ADGRL2: variants seen among roughly 807,000 people sequenced by gnomAD.
The protein encoded by ADGRL2 is calcium-independent alpha-latrotoxin receptor 2.
Under a neutral mutation model 157.4 loss-of-function variants are expected in ADGRL2, and 44 were observed. The observed-to-expected ratio is 0.28, with a 90% CI of 0.22 to 0.36. ADGRL2 has a LOEUF of 0.36. Ranked by LOEUF, ADGRL2 falls within the 10% of genes least tolerant of loss-of-function variation. The pLI is 1.00. For missense variants in ADGRL2, 1,510 were observed against 1,768.9 expected, an observed-to-expected ratio of 0.85 and a Z score of 2.63; for synonymous variants, 585 against 624.7, an observed-to-expected ratio of 0.94 and a Z score of 0.95.
chr1:81,483,485 CT>C (rs1259689119), intron 2 of ADGRL2, among the ~76,000 whole-genome samples: 10 of 152,144 alleles, frequency 6.6e-5, no homozygotes, highest in African/African-American at 2.4e-4. Context: ...TAATTCTTAT[CT>C]GATAAATAGC....
At chr1:81,688,085 T>C (rs1211124298) in intron 3 of ADGRL2, among the ~76,000 whole-genome samples, 1 of 152,136 alleles carries the variant, frequency 6.6e-6, no homozygotes, top group African/African-American at 2.4e-5. Context: ...GATGCTTCTG[T>C]CTCACAGCTC....
intron 2 of ADGRL2, among the ~76,000 whole-genome samples, chr1:81,463,359 C>A (rs1210647299): frequency 6.6e-6 from 1 of 151,564 alleles, no homozygotes; most frequent in Non-Finnish European, 1.5e-5. Context: ...AGTGTAGACC[C>A]TCTTCTAGAC....
intron 2 of ADGRL2, among the ~76,000 whole-genome samples, chr1:81,524,840 G>A (rs1199583390): frequency 7.9e-5 from 12 of 152,124 alleles, no homozygotes; most frequent in Admixed American, 7.9e-4. Context: ...AGGAGTTAGA[G>A]GCTACAGGGA....
At chr1:81,925,898 G>T (rs557442902) in intron 3 of ADGRL2, among the ~76,000 whole-genome samples, 2 of 151,942 alleles carry the variant, frequency 1.3e-5, no homozygotes, top group South Asian at 4.1e-4. Flanking sequence ...AATCTTTATG[G>T]CATAATTTTC....
At chr1:81,514,995 A>G (rs1213204847) in intron 2 of ADGRL2, 2 of 152,244 alleles carry the variant, frequency 1.3e-5, no homozygotes, top group East Asian at 3.8e-4. Context: ...TGATTTAAAT[A>G]TTAACAGCAT....
At chr1:81,881,453 G>A (rs1480329017) in intron 2 of ADGRL2, among the ~76,000 whole-genome samples, 1 of 152,212 alleles carries the variant, frequency 6.6e-6, no homozygotes, top group Non-Finnish European at 1.5e-5. Context: ...TGGGATTACA[G>A]GCGTGAGCCA....
At chr1:81,870,975 G>T (rs1186776391) in intron 2 of ADGRL2, among the ~76,000 whole-genome samples, 2 of 146,156 alleles carry the variant, frequency 1.4e-5, no homozygotes, top group African/African-American at 5.1e-5. Context: ...TAGGGTACAT[G>T]TGCACAATGT....
At chr1:81,627,242 G>C (rs773997060) in intron 3 of ADGRL2, among the ~76,000 whole-genome samples, 37 of 151,912 alleles carry the variant, frequency 2.4e-4, no homozygotes, top group Non-Finnish European at 4.6e-4. Context: ...GTATATATTC[G>C]ATTTATCCAA....
intron 2 of ADGRL2, among the ~76,000 whole-genome samples, chr1:81,457,196 T>C (rs2077825560): frequency 6.6e-6 from 1 of 152,116 alleles, no homozygotes; most frequent in South Asian, 2.1e-4. Context: ...TCCTAAACCT[T>C]TCCCTTTCTT....
intron 2 of ADGRL2, among the ~76,000 whole-genome samples, chr1:81,458,037 G>T (rs1000251325): frequency 7.2e-5 from 11 of 152,072 alleles, no homozygotes; most frequent in African/African-American, 2.2e-4. Context: ...TCTCACAAAG[G>T]CTCAATATGA....
chr1:81,990,160 A>C (rs778772901), intron 23 of ADGRL2: 21 of 985,212 alleles, frequency 2.1e-5, no homozygotes, highest in Admixed American at 6.2e-5. Flanking sequence ...ATTACTCTGT[A>C]TGCCATTTTC....
intron 2 of ADGRL2, among the ~76,000 whole-genome samples, chr1:81,446,983 C>T (rs905001595): frequency 1.3e-5 from 2 of 152,018 alleles, no homozygotes; most frequent in African/African-American, 4.8e-5. Flanking sequence ...ACTTAAAAAA[C>T]TATTAATTAA....
intron 1 of ADGRL2, among the ~76,000 whole-genome samples, chr1:81,376,839 C>G (rs1309465565): frequency 6.6e-6 from 1 of 152,222 alleles, no homozygotes; most frequent in East Asian, 1.9e-4. Flanking sequence ...TTTGCCAACA[C>G]TAACAGCAGA....
chr1:81,572,124 A>G (rs2148501192), intron 2 of ADGRL2, among the ~76,000 whole-genome samples: 1 of 152,360 alleles, frequency 6.6e-6, no homozygotes, highest in Admixed American at 6.5e-5. Context: ...GAAGCATCAG[A>G]CAATAGAGTA....
chr1:81,874,753 T>G (rs1458051659), intron 2 of ADGRL2, among the ~76,000 whole-genome samples: 1 of 152,034 alleles, frequency 6.6e-6, no homozygotes, highest in Non-Finnish European at 1.5e-5. Flanking sequence ...TACCCCAGGC[T>G]AGAGTACAGT....
intron 2 of ADGRL2, among the ~76,000 whole-genome samples, chr1:81,577,105 C>G (rs917408253): frequency 6.6e-6 from 1 of 152,200 alleles, no homozygotes; most frequent in African/African-American, 2.4e-5. Context: ...TCTGGTAACT[C>G]TTCAACCTTT....
chr1:81,721,594 A>C (rs1413374898), intron 1 of ADGRL2: 1 of 535,202 alleles, frequency 1.9e-6, no homozygotes, highest in Non-Finnish European at 3.3e-6. Context: ...AGTTTCTACC[A>C]AAAAAATACA....
At chr1:81,640,314 C>T (rs1321967367) in intron 3 of ADGRL2, among the ~76,000 whole-genome samples, 2 of 152,148 alleles carry the variant, frequency 1.3e-5, no homozygotes, top group Admixed American at 6.5e-5. Context: ...CCTAGATGAG[C>T]ATGACCAAAA....
intron 2 of ADGRL2, among the ~76,000 whole-genome samples, chr1:81,503,623 C>A (rs2148031403): frequency 6.6e-6 from 1 of 152,330 alleles, no homozygotes; most frequent in East Asian, 1.9e-4. Context: ...AGGCTCCATT[C>A]AGGTCCTGCT....
Sources: gnomAD v4.1 joint callset for allele counts (sites outside exome capture counted in the v4.1 genomes callset) on GRCh38, gnomAD v4.1.1 for gene constraint, MANE v1.5 for transcripts, NCBI Gene and HGNC (gene_info 2026-07-23, HGNC 2026-07-21) for gene names.